GRIK4: variants seen among roughly 807,000 people sequenced by gnomAD.
GRIK4 encodes the protein glutamate receptor ionotropic, kainate 4.
In GRIK4, 40 loss-of-function variants were observed where a neutral mutation model predicts 104.9. The observed-to-expected ratio is 0.38, with a 90% CI of 0.30 to 0.50. The LOEUF is 0.50. GRIK4 is among the 20% of genes least tolerant of loss of function. The pLI is 0.93. For synonymous variants in GRIK4, 485 were observed against 524.9 expected, an observed-to-expected ratio of 0.92 and a Z score of 1.04; for missense variants, 1,047 against 1,308.1, an observed-to-expected ratio of 0.80 and a Z score of 3.08.
chr11:120,716,815 A>C (rs1015822478), intron 3 of GRIK4, among the ~76,000 whole-genome samples: 3 of 152,082 alleles, frequency 2.0e-5, no homozygotes, highest in Non-Finnish European at 2.9e-5. Flanking sequence ...TCCAGCTGCC[A>C]CCGCTCTGCT....
At chr11:120,722,113 G>A (rs543888637) in intron 3 of GRIK4, among the ~76,000 whole-genome samples, 10 of 152,322 alleles carry the variant, frequency 6.6e-5, no homozygotes, top group East Asian at 1.9e-4. Flanking sequence ...GGTAGTCTCA[G>A]CTGTGTGCTC....
At chr11:120,735,938 C>A (rs186938137) in intron 3 of GRIK4, among the ~76,000 whole-genome samples, 43 of 152,294 alleles carry the variant, frequency 2.8e-4, no homozygotes, top group Non-Finnish European at 5.3e-4. Flanking sequence ...CCAGTTAGCT[C>A]CCTTCTGTCC....
intron 3 of GRIK4, among the ~76,000 whole-genome samples, chr11:120,697,736 C>A (rs955961702): frequency 1.3e-5 from 2 of 152,120 alleles, no homozygotes; most frequent in Non-Finnish European, 2.9e-5. Flanking sequence ...AGGCATGATC[C>A]GGGTGTGTTG....
intron 13 of GRIK4, among the ~76,000 whole-genome samples, chr11:120,928,442 G>T (rs1176619584): frequency 6.6e-6 from 1 of 152,082 alleles, no homozygotes; most frequent in Non-Finnish European, 1.5e-5. Context: ...CAGATTTCTG[G>T]TAATTGCTCA....
At chr11:120,931,998 C>G (rs986618481) in intron 13 of GRIK4, among the ~76,000 whole-genome samples, 2 of 152,140 alleles carry the variant, frequency 1.3e-5, no homozygotes, top group Non-Finnish European at 2.9e-5. Flanking sequence ...TGTGGGAATA[C>G]TCACCCAGGC....
At chr11:120,631,328 C>T (rs1392893590) in intron 1 of GRIK4, among the ~76,000 whole-genome samples, 1 of 152,204 alleles carries the variant, frequency 6.6e-6, no homozygotes, top group Non-Finnish European at 1.5e-5. Flanking sequence ...ACCCTAGGGT[C>T]TGGGGTGGGA....
At chr11:120,815,880 TGGGGAAGAATGCCTTC>T (rs1952944943) in intron 5 of GRIK4, among the ~76,000 whole-genome samples, 1 of 152,226 alleles carries the variant, frequency 6.6e-6, no homozygotes, top group Non-Finnish European at 1.5e-5. Context: ...ATCGGGATTC[TGGGGAAGAATGCCTTC>T]GGGGAAGGCA....
chr11:120,788,048 T>G (rs886358968), intron 3 of GRIK4, among the ~76,000 whole-genome samples: 1 of 151,306 alleles, frequency 6.6e-6, no homozygotes, highest in Non-Finnish European at 1.5e-5. Context: ...TTTTTGTATT[T>G]TTAGTAGAGA....
intron 1 of GRIK4, among the ~76,000 whole-genome samples, chr11:120,647,594 T>C (rs1387705882): frequency 1.3e-5 from 2 of 152,240 alleles, no homozygotes; most frequent in Non-Finnish European, 2.9e-5. Context: ...CTTGCTTGCT[T>C]TCCCCAGCAC....
chr11:120,731,151 A>G (rs116728795), intron 3 of GRIK4, among the ~76,000 whole-genome samples: 2,445 of 152,230 alleles, frequency 0.016, 54 homozygotes, highest in African/African-American at 0.055. Context: ...TGGATCTTAA[A>G]GGAAAGGCTT....
At chr11:120,522,963 T>C (rs905207667) in intron 1 of GRIK4, among the ~76,000 whole-genome samples, 9 of 151,892 alleles carry the variant, frequency 5.9e-5, no homozygotes, top group Non-Finnish European at 1.2e-4. Flanking sequence ...GGCTGGGCCC[T>C]TACAAAATGT....
chr11:120,908,077 CTTGGGGCTA>C (rs1942909274), intron 13 of GRIK4, among the ~76,000 whole-genome samples: 1 of 152,134 alleles, frequency 6.6e-6, no homozygotes, highest in Non-Finnish European at 1.5e-5. Flanking sequence ...ATGTGAGGCC[CTTGGGGCTA>C]TTGAATGTGC....
chr11:120,986,550 TAAC>T lies in GRIK4; in HGVS notation c.*293_*295del, dbSNP rs1944758085. 4 of 388,544 alleles carry T rather than the reference TAAC, an allele frequency of 1.0e-5. No individual in the cohort carries two copies. Among genetic ancestry groups the T allele is most frequent in the Non-Finnish European group, 9.1e-6 (2 of 219,816 alleles). 24.1% of individuals were successfully genotyped at this position (388,544 alleles called of 1,614,324 possible). The stretch of plus-strand genomic sequence containing the variant: ...AGTGGGTCTTTCCCTCTCGCCAAAA[TAAC>T]AAGAGTATAGGGTGGGGGGTCCCTA... On this transcript the variant is annotated 3_prime_UTR_variant, in exon 21 of 21. Coordinates refer to ENST00000527524, the MANE Select transcript of GRIK4 (RefSeq NM_014619.5).
intron 3 of GRIK4, among the ~76,000 whole-genome samples, chr11:120,665,101 A>G (rs1022664043): frequency 1.3e-5 from 2 of 152,150 alleles, no homozygotes; most frequent in Admixed American, 1.3e-4. Flanking sequence ...TTATAAAGAT[A>G]AAGATAATAG....
chr11:120,728,702 A>G (rs1951075374), intron 3 of GRIK4, among the ~76,000 whole-genome samples: 1 of 152,228 alleles, frequency 6.6e-6, no homozygotes, highest in South Asian at 2.1e-4. Context: ...TATAATAATT[A>G]CATCATGGTA....
intron 6 of GRIK4, among the ~76,000 whole-genome samples, chr11:120,826,676 C>T (rs549353954): frequency 1.3e-5 from 2 of 152,362 alleles, no homozygotes; most frequent in Non-Finnish European, 2.9e-5. Flanking sequence ...GATGGCCAAA[C>T]ACGGCCACCT....
chr11:120,779,902 A>T (rs2846099), intron 3 of GRIK4, among the ~76,000 whole-genome samples: 68,752 of 152,082 alleles, frequency 0.45, 17,401 homozygotes, highest in African/African-American at 0.7. Context: ...GGAGATCTGG[A>T]TTTTAGCTTT....
At chr11:120,862,999 A>G (rs1257009196) in intron 9 of GRIK4, among the ~76,000 whole-genome samples, 1 of 152,252 alleles carries the variant, frequency 6.6e-6, no homozygotes, top group Non-Finnish European at 1.5e-5. Flanking sequence ...AGGTTAGGCA[A>G]ATAGCCCAGG....
At chr11:120,592,115 C>G (rs1007052153) in intron 1 of GRIK4, among the ~76,000 whole-genome samples, 1 of 152,194 alleles carries the variant, frequency 6.6e-6, no homozygotes, top group Admixed American at 6.6e-5. Context: ...AAAAGATTTG[C>G]TGCTGGGGTC....
Sources: allele counts gnomAD v4.1 joint callset (sites outside exome capture counted in the v4.1 genomes callset), GRCh38; gene constraint gnomAD v4.1.1; transcripts MANE v1.5; gene names NCBI Gene and HGNC (gene_info 2026-07-23, HGNC 2026-07-21).